Variants in ASMTL observed in about 807,000 individuals in gnomAD.
The protein encoded by ASMTL is probable bifunctional dTTP/UTP pyrophosphatase/methyltransferase protein.
In ASMTL, 57 loss-of-function variants were observed where a neutral mutation model predicts 60.3. That is an observed-to-expected ratio of 0.95 (90% confidence interval 0.76 to 1.18). ASMTL has a LOEUF of 1.18. Ranked by LOEUF, ASMTL falls within the 50% of genes most tolerant of loss-of-function variation. The pLI is 0.00. For synonymous variants in ASMTL, 419 were observed against 373.0 expected, an observed-to-expected ratio of 1.12 and a Z score of -1.42; for missense variants, 981 against 852.6, an observed-to-expected ratio of 1.15 and a Z score of -1.88.
intron 5 of ASMTL, among the ~76,000 whole-genome samples, chrX:1,432,779 A>C (rs1193660448): frequency 6.6e-6 from 1 of 152,192 alleles, no homozygotes; most frequent in African/African-American, 2.4e-5. Flanking sequence ...CAGTGAGCCG[A>C]GATCGCGCCC....
chrX:1,437,777 G>A (rs1310054458), intron 3 of ASMTL, among the ~76,000 whole-genome samples: 3 of 151,244 alleles, frequency 2.0e-5, no homozygotes, highest in South Asian at 2.1e-4. Flanking sequence ...CGCACCTGTA[G>A]TCCCCGCTAC....
chrX:1,446,201 G>T (rs112017610), intron 1 of ASMTL, among the ~76,000 whole-genome samples: 1 of 152,052 alleles, frequency 6.6e-6, no homozygotes, highest in Admixed American at 6.6e-5. Flanking sequence ...TCTCTGCCTC[G>T]GCGGCCAGGC....
intron 11 of ASMTL, chrX:1,413,659 CTG>C (rs1569531690): frequency 6.6e-6 from 1 of 152,194 alleles, no homozygotes. Flanking sequence ...GGGACCTTAT[CTG>C]GAAATAGGGT....
intron 1 of ASMTL, among the ~76,000 whole-genome samples, chrX:1,451,888 C>G (rs1408164088): frequency 3.6e-5 from 4 of 111,406 alleles, no homozygotes; most frequent in South Asian, 3.5e-4. Flanking sequence ...CCATCCCTAG[C>G]GGTCCTGGGT....
intron 6 of ASMTL, among the ~76,000 whole-genome samples, chrX:1,430,243 C>T (rs1193300044): frequency 6.6e-6 from 1 of 152,028 alleles, no homozygotes; most frequent in East Asian, 1.9e-4. Context: ...AACTTCTGAC[C>T]TCAGGTGATC....
intron 11 of ASMTL, among the ~76,000 whole-genome samples, chrX:1,413,294 G>A (rs2090107379): frequency 6.6e-6 from 1 of 152,200 alleles, no homozygotes; most frequent in African/African-American, 2.4e-5. Flanking sequence ...CCTGGGAGGT[G>A]GAGGTTGCAG....
chrX:1,448,351 T>G (rs1603451880), intron 1 of ASMTL, among the ~76,000 whole-genome samples: 2 of 150,870 alleles, frequency 1.3e-5, no homozygotes, highest in South Asian at 4.2e-4. Context: ...ACTGCCATCT[T>G]GGACCCATAA....
intron 11 of ASMTL, among the ~76,000 whole-genome samples, chrX:1,416,128 C>T (rs1405067367): frequency 4.0e-5 from 6 of 150,970 alleles, no homozygotes; most frequent in Non-Finnish European, 8.8e-5. Context: ...CACACACAGA[C>T]GCAGACATGC....
In ASMTL at chrX:1,416,027, ACACAGATACAGTGACAGGCACACGCG is replaced by A. The variant is rs1342584719; in HGVS notation, c.1522+1920_1522+1945del. Among the ~76,000 whole-genome samples, 181 of 121,594 alleles carry A rather than the reference ACACAGATACAGTGACAGGCACACGCG, an allele frequency of 1.5e-3. 1 individual carries two copies. The highest frequency in any genetic ancestry group is 4.8e-3 in the African/African-American group (162 of 33,810). The allele number at this position is 121,594 out of a possible 152,430, so 79.8% of individuals were successfully genotyped here. On this transcript the variant is annotated intron_variant, in intron 11 of 12. Coordinates refer to ENST00000381317, the MANE Select transcript of ASMTL (RefSeq NM_004192.4). ...AAGACAGGCACACACACACACACGG[ACACAGATACAGTGACAGGCACACGCG>A]CACAGAGACAGACATGCACAGATGG...
At chrX:1,449,864 A>ATC (rs1478260208) in intron 1 of ASMTL, among the ~76,000 whole-genome samples, 27 of 110,474 alleles carry the variant, frequency 2.4e-4, no homozygotes, top group African/African-American at 7.6e-4. Context: ...ACCAGTAACT[A>ATC]CCCCCATCAC....
chrX:1,418,253 G>T, intron 10 of ASMTL, 137 bp from the exon 11 acceptor site: 1 of 995,928 alleles, frequency 1.0e-6, no homozygotes, highest in Non-Finnish European at 1.5e-6. Context: ...GCCAGTGGTG[G>T]GGAGCTCGCT....
At chrX:1,453,131 C>T (rs1330519239), upstream of ASMTL, among the ~76,000 whole-genome samples, 4 of 151,376 alleles carry the variant, frequency 2.6e-5, no homozygotes, top group Admixed American at 2.0e-4. Flanking sequence ...CCTGAGACCA[C>T]GCCCAGACCA....
chrX:1,417,872 C>T (rs1320753491), intron 11 of ASMTL, 101 bp downstream of exon 11: 56 of 1,464,342 alleles, frequency 3.8e-5, no homozygotes, highest in Non-Finnish European at 4.8e-5. Flanking sequence ...CATGGAAACG[C>T]CCAGGCAGAA....
chrX:1,432,207 C>T (rs1345901453), intron 6 of ASMTL, 62 bp downstream of exon 6: 45 of 1,316,606 alleles, frequency 3.4e-5, no homozygotes, highest in South Asian at 2.5e-4. Flanking sequence ...GGACACCCCA[C>T]GTGTGAGGGT....
intron 5 of ASMTL, among the ~76,000 whole-genome samples, chrX:1,434,353 G>C (rs113189122): frequency 0.058 from 8,765 of 151,936 alleles, 345 homozygotes; most frequent in Non-Finnish European, 0.085. Flanking sequence ...AGCCAGGTGT[G>C]GTGGCGTGTG....
At position 1,421,817 on chromosome X, in the gene ASMTL, G is replaced by C. The variant is rs749097063; in HGVS notation, c.1086C>G (p.Asn362Lys). 1.2e-6 allele frequency: 2 copies of C among 1,613,842 alleles called. No homozygotes were observed. The highest frequency in any genetic ancestry group is 1.7e-6 in the Non-Finnish European group (2 of 1,179,818). ...ATTCGCCATCCGATGCCAGGTAGACGTTCGCTGTCTCTGTGTTACTGTAAC... is the reference window on the plus strand; with the variant it reads ...ATTCGCCATCCGATGCCAGGTAGACCTTCGCTGTCTCTGTGTTACTGTAAC... ...EQGYSNTETA[N>K]VYLASDGEYS... Residue 362 changes from asparagine to lysine, a missense_variant, in exon 9 of 13, where the codon AAC becomes AAG. Transcript: ENST00000381317.
At chrX:1,407,131 G>A (rs2089889441) in intron 12 of ASMTL, among the ~76,000 whole-genome samples, 1 of 151,030 alleles carries the variant, frequency 6.6e-6, no homozygotes, top group South Asian at 2.1e-4. Context: ...ATGGATGGGT[G>A]AACTGATGGT....
At chrX:1,418,787 G>A (rs1465698007) in intron 10 of ASMTL, 195 bp downstream of exon 10, 5 of 216,808 alleles carry the variant, frequency 2.3e-5, no homozygotes, top group Admixed American at 6.5e-5. Flanking sequence ...GTTTCTAGGG[G>A]GGCATTTAGG....
rs1375208641 is a variant in ASMTL at position 1,418,012 on chromosome X, G to A, written c.1483C>T (p.Pro495Ser). 3.1e-6 allele frequency: 5 copies of A among 1,613,528 alleles called. No homozygotes were observed. The highest frequency in any genetic ancestry group is 2.2e-5 in the South Asian group (2 of 90,990). Residue 495 changes from proline to serine, a missense_variant, in exon 11 of 13, where the codon CCC becomes TCC. By Grantham distance (74) the Pro-to-Ser change is moderately conservative. Transcript: ENST00000381317. Reference sequence around the variant, plus strand: ...ATCTGCACTGCCTGCGGTCCGGGGGGTTGGAAGTGGGCGGCCAGCTCGATA... The same window carrying A: ...ATCTGCACTGCCTGCGGTCCGGGGGATTGGAAGTGGGCGGCCAGCTCGATA... ...DIIELAAHFQ[P>S]PGPQAVQIHF...
Sources: gnomAD v4.1 joint callset for allele counts (sites outside exome capture counted in the v4.1 genomes callset) on GRCh38, gnomAD v4.1.1 for gene constraint, MANE v1.5 for transcripts, NCBI Gene and HGNC (gene_info 2026-07-23, HGNC 2026-07-21) for gene names.